TMPRSS15: variants seen among roughly 807,000 people sequenced by gnomAD.
TMPRSS15 encodes the protein transmembrane serine protease 15.
Under a neutral mutation model 125.3 loss-of-function variants are expected in TMPRSS15, and 128 were observed. The ratio of observed to expected loss-of-function variants is 1.02; its 90% confidence interval spans 0.89 to 1.18. TMPRSS15 has a LOEUF of 1.18. TMPRSS15 is among the 50% of genes most tolerant of loss of function. The pLI is 0.00. For synonymous variants in TMPRSS15, 446 were observed against 423.2 expected (o/e 1.05, Z -0.66); for missense variants, 1,283 against 1,212.7 (o/e 1.06, Z -0.86).
At chr21:18,341,921 T>C (rs999344539) in intron 12 of TMPRSS15, among the ~76,000 whole-genome samples, 2 of 152,254 alleles carry the variant, frequency 1.3e-5, no homozygotes, top group Non-Finnish European at 2.9e-5. Context: ...CCCAAATTTC[T>C]TCTTTCAGCA....
intron 10 of TMPRSS15, among the ~76,000 whole-genome samples, chr21:18,346,399 T>G (rs1311038963): frequency 6.6e-6 from 1 of 152,226 alleles, no homozygotes; most frequent in East Asian, 1.9e-4. Flanking sequence ...AAAAATAAGC[T>G]TATACGCACC....
chr21:18,276,099 C>T (rs2074616501), intron 23 of TMPRSS15, among the ~76,000 whole-genome samples: 1 of 152,150 alleles, frequency 6.6e-6, no homozygotes, highest in Non-Finnish European at 1.5e-5. Flanking sequence ...GAAGTTAGTA[C>T]ATTTGACAGC....
At chr21:18,317,345 C>T (rs939877526) in intron 16 of TMPRSS15, among the ~76,000 whole-genome samples, 2 of 151,108 alleles carry the variant, frequency 1.3e-5, no homozygotes, top group Non-Finnish European at 2.9e-5. Flanking sequence ...AGTCCAGCAA[C>T]TATCAATATC....
chr21:18,451,056 T>C (rs1459654829), intron 1 of TMPRSS15, among the ~76,000 whole-genome samples: 3 of 152,166 alleles, frequency 2.0e-5, no homozygotes, highest in South Asian at 2.1e-4. Context: ...ATCAAATTTA[T>C]GCAAAAGATT....
Position 18,342,011 on chromosome 21 carries a change from C to T in TMPRSS15, c.1429-463G>A, listed in dbSNP as rs557741791. Among the ~76,000 whole-genome samples the T allele has an allele frequency of 3.2e-4, 48 of 152,148 alleles. 1 individual carries two copies. The highest frequency in any genetic ancestry group is 1.0e-3 in the South Asian group (5 of 4,808). On this transcript the variant is annotated intron_variant, in intron 12 of 24. Transcript: ENST00000284885. ...GAAAACACACTGGGGGTGAAGGGGACGAGAGAGAGTATGAGTGTAAAACGA... is the reference window on the plus strand; with the variant it reads ...GAAAACACACTGGGGGTGAAGGGGATGAGAGAGAGTATGAGTGTAAAACGA...
intron 21 of TMPRSS15, among the ~76,000 whole-genome samples, chr21:18,285,429 C>A (rs186940621): frequency 1.3e-5 from 2 of 152,190 alleles, no homozygotes; most frequent in African/African-American, 4.8e-5. Flanking sequence ...AAATTAAAAC[C>A]TTTTTCCTGT....
intron 1 of TMPRSS15, among the ~76,000 whole-genome samples, chr21:18,415,242 A>G (rs2076176951): frequency 6.6e-6 from 1 of 152,084 alleles, no homozygotes; most frequent in Non-Finnish European, 1.5e-5. Context: ...AGTTCCTTAT[A>G]TAGTTTTGAA....
chr21:18,483,621 A>T (rs981505697), intron 1 of TMPRSS15, among the ~76,000 whole-genome samples: 1 of 151,914 alleles, frequency 6.6e-6, no homozygotes, highest in African/African-American at 2.4e-5. Context: ...TGTGTGCATT[A>T]TTCATAGCTG....
intron 5 of TMPRSS15, among the ~76,000 whole-genome samples, chr21:18,374,486 A>AG (rs2075823307): frequency 6.7e-6 from 1 of 149,594 alleles, no homozygotes; most frequent in Non-Finnish European, 1.5e-5. Flanking sequence ...TCTCAAAAAA[A>AG]AAAAAAAAAA....
intron 1 of TMPRSS15, among the ~76,000 whole-genome samples, chr21:18,442,636 G>T (rs1478866211): frequency 2.0e-5 from 3 of 152,166 alleles, no homozygotes; most frequent in Non-Finnish European, 4.4e-5. Context: ...ATCCCGGTAA[G>T]TTTGGGACAG....
intron 1 of TMPRSS15, among the ~76,000 whole-genome samples, chr21:18,472,039 T>C: frequency 6.6e-6 from 1 of 152,010 alleles, no homozygotes; most frequent in East Asian, 1.9e-4. Context: ...GAATAATCCA[T>C]TTTTTTCTCA....
chr21:18,418,065 C>T (rs2076184209), intron 1 of TMPRSS15, among the ~76,000 whole-genome samples: 1 of 152,106 alleles, frequency 6.6e-6, no homozygotes. Context: ...CTTTCTTCAG[C>T]TAAAAGGTAA....
intron 17 of TMPRSS15, among the ~76,000 whole-genome samples, chr21:18,313,817 TAA>T (rs2075128229): frequency 6.6e-6 from 1 of 150,676 alleles, no homozygotes; most frequent in South Asian, 2.1e-4. Context: ...AGAGTATATA[TAA>T]GAGTATATAT....
chr21:18,384,491 C>T (rs910425376), intron 3 of TMPRSS15, among the ~76,000 whole-genome samples: 5 of 152,156 alleles, frequency 3.3e-5, no homozygotes, highest in Non-Finnish European at 7.4e-5. Context: ...GATTTTATCC[C>T]CTGCTCTGTA....
At chr21:18,314,201 C>A (rs9305860) in intron 17 of TMPRSS15, among the ~76,000 whole-genome samples, 6 of 152,120 alleles carry the variant, frequency 3.9e-5, no homozygotes, top group African/African-American at 1.4e-4. Flanking sequence ...ACAGCTATGG[C>A]CCTTACTGGG....
At chr21:18,457,226 A>T (rs1182499163) in intron 1 of TMPRSS15, among the ~76,000 whole-genome samples, 1 of 152,136 alleles carries the variant, frequency 6.6e-6, no homozygotes, top group Admixed American at 6.6e-5. Flanking sequence ...GTCTGTTATT[A>T]TCATAGTAAT....
chr21:18,294,552 A>G, intron 20 of TMPRSS15, 51 bp downstream of exon 20: 1 of 1,604,698 alleles, frequency 6.2e-7, no homozygotes, highest in Non-Finnish European at 8.5e-7. Context: ...AACTCTATTC[A>G]GAATTTTAAA....
chr21:18,475,605 CT>C (rs982922159), intron 1 of TMPRSS15, among the ~76,000 whole-genome samples: 4 of 152,040 alleles, frequency 2.6e-5, no homozygotes, highest in African/African-American at 9.7e-5. Flanking sequence ...AAATTTTCTT[CT>C]TTGATTGAAA....
intron 1 of TMPRSS15, among the ~76,000 whole-genome samples, chr21:18,468,288 G>A (rs1310319905): frequency 6.6e-6 from 1 of 152,018 alleles, no homozygotes; most frequent in Non-Finnish European, 1.5e-5. Context: ...CTTTTCCTCT[G>A]TTCTCCCACT....
Sources: allele counts gnomAD v4.1 joint callset (sites outside exome capture counted in the v4.1 genomes callset), GRCh38; gene constraint gnomAD v4.1.1; transcripts MANE v1.5; gene names NCBI Gene and HGNC (gene_info 2026-07-23, HGNC 2026-07-21).